The following RASAL2 variants were observed in gnomAD, a reference collection of about 807,000 sequenced individuals.
RASAL2 encodes RAS protein activator like 2, also known as ras GTPase-activating protein nGAP.
In RASAL2, 58 loss-of-function variants were observed where a neutral mutation model predicts 128.9. The observed-to-expected ratio is 0.45, with a 90% CI of 0.36 to 0.56. The LOEUF (loss-of-function observed/expected upper bound fraction) is 0.56, where lower values mean the gene tolerates loss of function less well. Among genes scored for constraint, RASAL2 ranks in the 20% least tolerant of loss-of-function variants. RASAL2 has a pLI of 0.00. For missense variants in RASAL2, 1,360 were observed against 1,601.6 expected, an observed-to-expected ratio of 0.85 and a Z score of 2.57; for synonymous variants, 561 against 580.8, an observed-to-expected ratio of 0.97 and a Z score of 0.49.
chr1:178,383,140 G>A (rs1481426429), intron 3 of RASAL2, among the ~76,000 whole-genome samples: 1 of 152,106 alleles, frequency 6.6e-6, no homozygotes, highest in East Asian at 1.9e-4. Context: ...GTGGTGGGGA[G>A]ACTGGATGGC....
At chr1:178,306,002 CAG>C (rs1667967056) in intron 3 of RASAL2, among the ~76,000 whole-genome samples, 1 of 152,186 alleles carries the variant, frequency 6.6e-6, no homozygotes, top group African/African-American at 2.4e-5. Context: ...TGCTTAAGCA[CAG>C]AATTTACTTC....
rs562971074 is a variant in RASAL2 at position 178,342,686 on chromosome 1, T to C, written c.457+42568T>C. ...AAATATGTTAGTAAACTTTTTTCTG[T>C]ATGCAAATATCTATTTTTGTAATGT... On this transcript the variant is annotated intron_variant, in intron 3 of 17. Transcript: ENST00000367649. Among the ~76,000 whole-genome samples the C allele has an allele frequency of 1.9e-3, 290 of 152,350 alleles. 3 individuals carry two copies. The highest frequency in any genetic ancestry group is 6.6e-3 in the African/African-American group (276 of 41,592).
At chr1:178,420,074 C>G (rs1283202529) in intron 4 of RASAL2, among the ~76,000 whole-genome samples, 2 of 152,142 alleles carry the variant, frequency 1.3e-5, no homozygotes, top group African/African-American at 4.8e-5. Flanking sequence ...ACCTTCTCAC[C>G]TGGGGGCCTT....
chr1:178,269,635 C>T (rs1666151199), intron 1 of RASAL2, among the ~76,000 whole-genome samples: 2 of 152,170 alleles, frequency 1.3e-5, no homozygotes, highest in South Asian at 4.1e-4. Context: ...CACTTCTACA[C>T]TCCCACCAGC....
At chr1:178,280,696 A>T (rs1028741656) in intron 1 of RASAL2, among the ~76,000 whole-genome samples, 5 of 152,126 alleles carry the variant, frequency 3.3e-5, no homozygotes, top group African/African-American at 1.2e-4. Flanking sequence ...TGAGGCCAGC[A>T]TTCATTGTCC....
chr1:178,417,457 G>T (rs1464708926), intron 4 of RASAL2, among the ~76,000 whole-genome samples: 1 of 151,998 alleles, frequency 6.6e-6, no homozygotes, highest in African/African-American at 2.4e-5. Flanking sequence ...GTCATATGAG[G>T]TATGATATGA....
At chr1:178,182,233 TC>T (rs1662140870) in intron 1 of RASAL2, among the ~76,000 whole-genome samples, 1 of 152,252 alleles carries the variant, frequency 6.6e-6, no homozygotes, top group Non-Finnish European at 1.5e-5. Context: ...CATTGGGTAC[TC>T]TTTTAGTTGG....
intron 3 of RASAL2, among the ~76,000 whole-genome samples, chr1:178,371,356 A>ACACACACACACACACACACG (rs1491336101): frequency 4.1e-5 from 4 of 98,096 alleles, no homozygotes; most frequent in Non-Finnish European, 7.5e-5. Flanking sequence ...ACACACAAAT[A>ACACACACACACACACACACG]CACACACACA....
intron 3 of RASAL2, among the ~76,000 whole-genome samples, chr1:178,361,195 T>C (rs187905283): frequency 1.5e-3 from 231 of 152,334 alleles, no homozygotes; most frequent in African/African-American, 5.4e-3. Flanking sequence ...TACATATCTG[T>C]TGATGCAACT....
At chr1:178,107,105 A>G (rs1176447474) in intron 1 of RASAL2, among the ~76,000 whole-genome samples, 1 of 152,104 alleles carries the variant, frequency 6.6e-6, no homozygotes, top group African/African-American at 2.4e-5. Flanking sequence ...TAAACATGAT[A>G]AGTCATTTCT....
chr1:178,362,986 A>G (rs1283333223), intron 3 of RASAL2, among the ~76,000 whole-genome samples: 1 of 152,106 alleles, frequency 6.6e-6, no homozygotes, highest in Non-Finnish European at 1.5e-5. Flanking sequence ...GATTTTTTTA[A>G]TAAGATTGTG....
At chr1:178,355,561 G>T (rs1192532334) in intron 3 of RASAL2, among the ~76,000 whole-genome samples, 1 of 152,144 alleles carries the variant, frequency 6.6e-6, no homozygotes, top group African/African-American at 2.4e-5. Flanking sequence ...GCATCTTCAT[G>T]ACCTGAGGAT....
intron 1 of RASAL2, among the ~76,000 whole-genome samples, chr1:178,158,975 C>T (rs2101891064): frequency 6.6e-6 from 1 of 152,292 alleles, no homozygotes; most frequent in South Asian, 2.1e-4. Flanking sequence ...TCAGGCTTAA[C>T]TCCAGATTAC....
intron 1 of RASAL2, among the ~76,000 whole-genome samples, chr1:178,152,787 TCAACTCATGGC>T (rs1660959107): frequency 6.6e-6 from 1 of 152,222 alleles, no homozygotes; most frequent in South Asian, 2.1e-4. Flanking sequence ...TCAACAGTGG[TCAACTCATGGC>T]CAGTCTTGTT....
At chr1:178,121,581 G>C in intron 1 of RASAL2, among the ~76,000 whole-genome samples, 1 of 152,018 alleles carries the variant, frequency 6.6e-6, no homozygotes, top group East Asian at 1.9e-4. Context: ...CATCTCCCGG[G>C]TTCAGGTGAT....
chr1:178,447,040 T>A (rs1677050824), intron 9 of RASAL2, among the ~76,000 whole-genome samples: 1 of 152,156 alleles, frequency 6.6e-6, no homozygotes, highest in Admixed American at 6.5e-5. Flanking sequence ...TAAACAATAA[T>A]TAGAACTAAT....
intron 3 of RASAL2, among the ~76,000 whole-genome samples, chr1:178,304,451 A>G (rs1667900899): frequency 6.6e-6 from 1 of 152,046 alleles, no homozygotes; most frequent in African/African-American, 2.4e-5. Flanking sequence ...TGAGCCTGGG[A>G]GGTTGAGGCT....
intron 1 of RASAL2, among the ~76,000 whole-genome samples, chr1:178,213,587 T>A (rs1228216701): frequency 1.3e-5 from 2 of 152,130 alleles, no homozygotes; most frequent in Non-Finnish European, 2.9e-5. Flanking sequence ...TGGATGAATC[T>A]GAGACACAAT....
At chr1:178,115,012 A>G (rs1659473621) in intron 1 of RASAL2, among the ~76,000 whole-genome samples, 1 of 152,216 alleles carries the variant, frequency 6.6e-6, no homozygotes, top group Non-Finnish European at 1.5e-5. Context: ...TTCGTAGTAT[A>G]CATTATAAAT....
Sources: allele counts gnomAD v4.1 joint callset (sites outside exome capture counted in the v4.1 genomes callset), GRCh38; gene constraint gnomAD v4.1.1; transcripts MANE v1.5; gene names NCBI Gene and HGNC (gene_info 2026-07-23, HGNC 2026-07-21).